SNX13: variants seen among roughly 807,000 people sequenced by gnomAD.
SNX13 encodes the protein sorting nexin-13.
In SNX13, 45 loss-of-function variants were observed where a neutral mutation model predicts 133.6. The ratio of observed to expected loss-of-function variants is 0.34; its 90% CI spans 0.27 to 0.43. SNX13 has a LOEUF of 0.43. Among genes scored for constraint, SNX13 ranks in the 20% least tolerant of loss-of-function variants. The pLI, the probability that SNX13 is intolerant of heterozygous loss-of-function variation, is 1.00. For synonymous variants in SNX13, 414 were observed against 373.9 expected (o/e 1.11, Z -1.24); for missense variants, 1,032 against 1,145.1 (o/e 0.90, Z 1.43).
intron 17 of SNX13, among the ~76,000 whole-genome samples, chr7:17,823,242 T>C (rs1037482884): frequency 2.6e-5 from 4 of 152,218 alleles, no homozygotes; most frequent in African/African-American, 4.8e-5. Context: ...ACTTATAATA[T>C]TGTTTTTAGC....
intron 1 of SNX13, among the ~76,000 whole-genome samples, chr7:17,920,491 A>G (rs2128034902): frequency 6.6e-6 from 1 of 152,356 alleles, no homozygotes; most frequent in South Asian, 2.1e-4. Flanking sequence ...ATTGTAAAAG[A>G]AAAATAAATT....
At chr7:17,940,255 G>A (rs1210406434) in intron 1 of SNX13, 29 bp downstream of exon 1, 3 of 1,555,508 alleles carry the variant, frequency 1.9e-6, no homozygotes, top group Admixed American at 3.9e-5. Context: ...CCATTTCACA[G>A]GTAAACACTG....
At chr7:17,908,149 G>A (rs1328391519) in intron 1 of SNX13, among the ~76,000 whole-genome samples, 1 of 152,166 alleles carries the variant, frequency 6.6e-6, no homozygotes. Flanking sequence ...ACTGAGAAGA[G>A]AAATTCTAGA....
At position 17,868,493 on chromosome 7, in the gene SNX13, G is replaced by A. The variant is rs747228149; in HGVS notation, c.754-3C>T. 1.8e-5 allele frequency: 29 copies of A among 1,582,396 alleles called. No individual in the cohort carries two copies. The African/African-American group carries it at 3.3e-4, about 18-fold the overall frequency. On this transcript the variant is annotated splice_region_variant and splice_polypyrimidine_tract_variant and intron_variant, in intron 8 of 25. Coordinates refer to ENST00000428135, the MANE Select transcript of SNX13 (RefSeq NM_015132.5). ...AGAATTCCTCGTGCAAGGATTTCCT[G>A]AAAAAAAAGTAAATAACAAAAACAA...
intron 9 of SNX13, among the ~76,000 whole-genome samples, chr7:17,867,509 A>C (rs1199701362): frequency 6.6e-6 from 1 of 152,116 alleles, no homozygotes; most frequent in African/African-American, 2.4e-5. Flanking sequence ...TGGGAGGCTG[A>C]AGCGGGAGGA....
At chr7:17,848,114 A>T (rs1008528032) in intron 11 of SNX13, among the ~76,000 whole-genome samples, 1 of 152,052 alleles carries the variant, frequency 6.6e-6, no homozygotes, top group Non-Finnish European at 1.5e-5. Context: ...CCTATAAAAA[A>T]CCGAGACTCA....
chr7:17,913,942 T>C (rs7782907), intron 1 of SNX13, among the ~76,000 whole-genome samples: 37 of 151,822 alleles, frequency 2.4e-4, no homozygotes, highest in African/African-American at 7.3e-4. Context: ...ATTCAGAATA[T>C]ATATGGAGCA....
At chr7:17,904,145 T>G (rs371653988) in intron 1 of SNX13, among the ~76,000 whole-genome samples, 1 of 152,178 alleles carries the variant, frequency 6.6e-6, no homozygotes, top group African/African-American at 2.4e-5. Flanking sequence ...GTACTGACAT[T>G]TATCTCATTT....
At chr7:17,807,722 C>T (rs1021199114) in intron 20 of SNX13, among the ~76,000 whole-genome samples, 6 of 152,198 alleles carry the variant, frequency 3.9e-5, no homozygotes, top group African/African-American at 1.4e-4. Context: ...AGAGCTCCAG[C>T]TGGCATCTGG....
intron 5 of SNX13, among the ~76,000 whole-genome samples, chr7:17,885,025 G>A (rs188768517): frequency 1.3e-5 from 2 of 152,114 alleles, no homozygotes; most frequent in Non-Finnish European, 2.9e-5. Context: ...GGAAACATTT[G>A]TCCCTCAAAA....
chr7:17,901,141 C>T (rs2128003615), intron 1 of SNX13, among the ~76,000 whole-genome samples: 1 of 152,246 alleles, frequency 6.6e-6, no homozygotes, highest in Non-Finnish European at 1.5e-5. Context: ...ACAGGGGCCT[C>T]AGGACTCTGC....
At chr7:17,840,145 G>A in intron 12 of SNX13, 145 bp from the exon 13 acceptor site, 1 of 599,526 alleles carries the variant, frequency 1.7e-6, no homozygotes, top group South Asian at 4.3e-5. Flanking sequence ...TCCCTGAGGT[G>A]AAAATATAGT....
intron 1 of SNX13, among the ~76,000 whole-genome samples, chr7:17,923,901 A>G (rs992944612): frequency 6.6e-6 from 1 of 152,240 alleles, no homozygotes; most frequent in African/African-American, 2.4e-5. Flanking sequence ...CAAATCCTCA[A>G]TAAAATATTC....
At chr7:17,892,226 G>A (rs2127993592) in intron 3 of SNX13, among the ~76,000 whole-genome samples, 1 of 151,870 alleles carries the variant, frequency 6.6e-6, no homozygotes, top group East Asian at 1.9e-4. Context: ...AAAAATACAT[G>A]CTTCAAAGTT....
intron 2 of SNX13, among the ~76,000 whole-genome samples, chr7:17,895,433 T>C (rs1797098151): frequency 2.6e-5 from 4 of 152,172 alleles, no homozygotes. Flanking sequence ...GAGTTAACTT[T>C]GACTATAAGC....
intron 1 of SNX13, among the ~76,000 whole-genome samples, chr7:17,927,535 A>C (rs565243849): frequency 6.6e-5 from 10 of 152,244 alleles, no homozygotes; most frequent in African/African-American, 1.7e-4. Context: ...GAGCCACAGC[A>C]CTCAGCCAGA....
intron 22 of SNX13, among the ~76,000 whole-genome samples, chr7:17,800,226 A>C (rs1784467029): frequency 6.6e-6 from 1 of 151,884 alleles, no homozygotes. Flanking sequence ...CAATAAACAT[A>C]ATAAACATCC....
chr7:17,863,879 G>A (rs1440999036), intron 9 of SNX13, among the ~76,000 whole-genome samples: 1 of 152,212 alleles, frequency 6.6e-6, no homozygotes, highest in East Asian at 1.9e-4. Flanking sequence ...ACTTTGTCTG[G>A]TAACCTAGGG....
At chr7:17,803,068 A>T (rs1284779804) in intron 21 of SNX13, among the ~76,000 whole-genome samples, 1 of 152,200 alleles carries the variant, frequency 6.6e-6, no homozygotes, top group East Asian at 1.9e-4. Flanking sequence ...AGTATAACTC[A>T]TCTGCACGAC....
Sources: gnomAD v4.1 joint callset for allele counts (sites outside exome capture counted in the v4.1 genomes callset) on GRCh38, gnomAD v4.1.1 for gene constraint, MANE v1.5 for transcripts, NCBI Gene and HGNC (gene_info 2026-07-23, HGNC 2026-07-21) for gene names.